Variants in ZNF66 observed in about 807,000 individuals in gnomAD.
ZNF66 encodes the protein putative zinc finger protein 66.
ZNF66 carries 32 observed loss-of-function variants against 35.2 expected under a neutral mutation model. That is an observed-to-expected ratio of 0.91 (90% CI 0.69 to 1.22). ZNF66 has a LOEUF of 1.22. Among genes scored for constraint, ZNF66 ranks in the 50% most tolerant of loss-of-function variants. ZNF66 has a pLI of 0.00. For synonymous variants in ZNF66, 231 were observed against 181.3 expected (o/e 1.27, Z -2.20); for missense variants, 666 against 543.1 (o/e 1.23, Z -2.25).
chr19:20,789,569 A>C (rs1384107494), intron 1 of ZNF66, among the ~76,000 whole-genome samples: 2 of 152,218 alleles, frequency 1.3e-5, no homozygotes, highest in Admixed American at 1.3e-4. Flanking sequence ...ATAAGTCACA[A>C]AAAAGTAAAT....
At chr19:20,787,336 T>C (rs1971295793) in intron 1 of ZNF66, among the ~76,000 whole-genome samples, 1 of 152,142 alleles carries the variant, frequency 6.6e-6, no homozygotes, top group African/African-American at 2.4e-5. Flanking sequence ...AATATATATA[T>C]AGACTTATCA....
At chr19:20,793,744 T>C (rs1204171039) in intron 2 of ZNF66, 39 bp from the exon 3 acceptor site, 8 of 748,546 alleles carry the variant, frequency 1.1e-5, no homozygotes, top group Non-Finnish European at 1.4e-5. Context: ...AATTGGAGAA[T>C]GTGAGCAAGA....
chr19:20,807,263 C>A lies in ZNF66; in HGVS notation c.1663C>A (p.His555Asn). Residue 555 changes from histidine to asparagine, a missense_variant, in exon 4 of 4, where the codon CAT becomes AAT. Transcript: ENST00000344519. The stretch of plus-strand genomic sequence containing the variant: ...TATTTCATCCTCAAACCTTAGTAGA[C>A]ATGAGATAATTCATATGGGAGGGAA... The part of the protein sequence containing the change: ...AFISSSNLSR[H>N]EIIHMGGNPY... The A allele has an allele frequency of 2.9e-6, 2 of 691,046 alleles. No individual in the cohort carries two copies. Among genetic ancestry groups the A allele is most frequent in the Non-Finnish European group, 5.2e-6 (2 of 386,340 alleles). 42.8% of individuals were successfully genotyped at this position (691,046 alleles called of 1,614,324 possible).
chr19:20,782,701 A>C (rs1184489852), intron 1 of ZNF66, among the ~76,000 whole-genome samples: 1 of 152,132 alleles, frequency 6.6e-6, no homozygotes, highest in East Asian at 1.9e-4. Context: ...TTTTGCCTAC[A>C]ATTTAATGAA....
chr19:20,786,159 A>G (rs919364949), intron 1 of ZNF66, among the ~76,000 whole-genome samples: 8 of 152,164 alleles, frequency 5.3e-5, no homozygotes, highest in African/African-American at 1.9e-4. Flanking sequence ...TTTACTCTAG[A>G]GGGGACTTTC....
chr19:20,796,499 C>A (rs1199227330), intron 3 of ZNF66, among the ~76,000 whole-genome samples: 2 of 151,860 alleles, frequency 1.3e-5, no homozygotes, highest in Non-Finnish European at 2.9e-5. Flanking sequence ...TTTTTTTTAG[C>A]CTATATCTAA....
intron 1 of ZNF66, among the ~76,000 whole-genome samples, chr19:20,790,636 T>A (rs963091055): frequency 4.6e-5 from 7 of 152,156 alleles, no homozygotes; most frequent in African/African-American, 1.7e-4. Context: ...GATGCCATGC[T>A]AGCTGGTAAA....
Position 20,807,729 on chromosome 19 carries a change from G to A in ZNF66, c.*407G>A, listed in dbSNP as rs1000897287. On this transcript the variant is annotated 3_prime_UTR_variant, in exon 4 of 4. Transcript: ENST00000344519. The stretch of plus-strand genomic sequence containing the variant: ...TCTAGTAGATGAGATTATGGGGGGT[G>A]GAGCCAAGATGGCTGAATAGGTACA... 3.3e-5 allele frequency among the ~76,000 whole-genome samples: 5 copies of A among 152,018 alleles called. No individual in the cohort carries two copies. The highest frequency in any genetic ancestry group is 1.5e-5 in the Non-Finnish European group (1 of 68,002).
At chr19:20,798,144 T>G (rs1011845309) in intron 3 of ZNF66, among the ~76,000 whole-genome samples, 70 of 152,278 alleles carry the variant, frequency 4.6e-4, no homozygotes, top group African/African-American at 1.7e-3. Context: ...TTTTACCATG[T>G]GTTTAGTAAT....
At chr19:20,786,441 A>G (rs7256669) in intron 1 of ZNF66, among the ~76,000 whole-genome samples, 84,279 of 151,668 alleles carry the variant, frequency 0.56, 23,399 homozygotes, top group East Asian at 0.59. Flanking sequence ...GAGTAGACAT[A>G]GAGACATGAG....
In ZNF66 at chr19:20,806,202, A is replaced by G. The variant is rs149176332; in HGVS notation, c.602A>G (p.Tyr201Cys). 4.4e-6 allele frequency: 6 copies of G among 1,355,710 alleles called. No homozygotes were observed. The African/African-American group carries it at 5.7e-5, about 13-fold the overall frequency. 84.0% of individuals were successfully genotyped at this position (1,355,710 alleles called of 1,614,324 possible). The change falls in exon 4 of 4, where the codon TAT (tyrosine) becomes TGT (cysteine). Residue 201 changes from tyrosine to cysteine, a missense_variant. Physicochemically the swap from Tyr to Cys is radical, Grantham distance 194. Transcript: ENST00000344519. The part of the protein sequence containing the change: ...HKKIHTGEKP[Y>C]KCIECGKAFN... Reference sequence around the variant, plus strand: ...AAAATTCATACTGGAGAGAAACCCTATAAATGTATAGAATGTGGCAAAGCC... The same window carrying G: ...AAAATTCATACTGGAGAGAAACCCTGTAAATGTATAGAATGTGGCAAAGCC...
chr19:20,799,705 A>G (rs1001081905), intron 3 of ZNF66, among the ~76,000 whole-genome samples: 2 of 152,108 alleles, frequency 1.3e-5, no homozygotes, highest in African/African-American at 2.4e-5. Flanking sequence ...ATTTCTCTCT[A>G]TTTTGTATGC....
chr19:20,790,329 T>C (rs1037495315), intron 1 of ZNF66, among the ~76,000 whole-genome samples: 2 of 152,214 alleles, frequency 1.3e-5, no homozygotes, highest in African/African-American at 4.8e-5. Context: ...GACTCTAAGG[T>C]GAGGCCAGAA....
Position 20,792,937 on chromosome 19 carries a change from A to G in ZNF66, c.130+299A>G, listed in dbSNP as rs1409480767. On this transcript the variant is annotated intron_variant, in intron 2 of 3. Coordinates refer to ENST00000344519, the MANE Select transcript of ZNF66 (RefSeq NM_001355197.2). Reference sequence around the variant, plus strand: ...CAAAAAATTAGCTGCGGGCTGTGGCATGCACCTATAATCCCAGGACTCAGG... The same window carrying G: ...CAAAAAATTAGCTGCGGGCTGTGGCGTGCACCTATAATCCCAGGACTCAGG... Among the ~76,000 whole-genome samples, 4 of 151,988 alleles carry G rather than the reference A, an allele frequency of 2.6e-5. No individual in the cohort carries two copies. The East Asian group carries it at 7.7e-4, about 29-fold the overall frequency.
chr19:20,779,483 G>T (rs1971225629), intron 1 of ZNF66, among the ~76,000 whole-genome samples: 1 of 152,168 alleles, frequency 6.6e-6, no homozygotes, highest in African/African-American at 2.4e-5. Flanking sequence ...GTAGCTCAAA[G>T]TTCAGGAGCC....
chr19:20,806,834 C>A lies in ZNF66; in HGVS notation c.1234C>A (p.Leu412Ile). ...CAAAGTGTTTAAGCACTCCTCTCCC[C>A]TTTCTAAACATAAGAGAATTCATAC... ...CGKVFKHSSP[L>I]SKHKRIHTGE... The change falls in exon 4 of 4, where the codon CTT (leucine) becomes ATT (isoleucine). Residue 412 changes from leucine (L) to isoleucine (I), a missense_variant. Coordinates refer to ENST00000344519, the MANE Select transcript of ZNF66 (RefSeq NM_001355197.2). 7.5e-7 allele frequency: 1 copy of A among 1,337,204 alleles called. No homozygotes were observed. The highest frequency in any genetic ancestry group is 1.1e-6 in the Non-Finnish European group (1 of 930,582). The allele number at this position is 1,337,204 out of a possible 1,614,324, so 82.8% of individuals were successfully genotyped here.
At chr19:20,792,970 G>A (rs1971352462) in intron 2 of ZNF66, among the ~76,000 whole-genome samples, 1 of 151,880 alleles carries the variant, frequency 6.6e-6, no homozygotes, top group South Asian at 2.1e-4. Flanking sequence ...AGGAGGGTGA[G>A]GCAGGAGAAT....
At chr19:20,804,801 T>A (rs1319774754) in intron 3 of ZNF66, among the ~76,000 whole-genome samples, 2 of 152,194 alleles carry the variant, frequency 1.3e-5, no homozygotes, top group African/African-American at 4.8e-5. Flanking sequence ...ATGTGTCTTG[T>A]CTAAAATTTT....
At position 20,797,396 on chromosome 19, in the gene ZNF66, C is replaced by T. The variant is rs1392365208; in HGVS notation, c.226+3518C>T. On this transcript the variant is annotated intron_variant, in intron 3 of 3. Coordinates refer to ENST00000344519, the MANE Select transcript of ZNF66 (RefSeq NM_001355197.2). ...TAATTTTTTGTATTTTTAGTAGAGACGGGGTTTCACCGTGTTAGCCAGGAT... is the reference window on the plus strand; with the variant it reads ...TAATTTTTTGTATTTTTAGTAGAGATGGGGTTTCACCGTGTTAGCCAGGAT... Among the ~76,000 whole-genome samples, 13 of 129,584 alleles carry T rather than the reference C, an allele frequency of 1.0e-4. 1 individual carries two copies. The highest frequency in any genetic ancestry group is 2.1e-4 in the Non-Finnish European group (12 of 58,470). 85.0% of individuals were successfully genotyped at this position (129,584 alleles called of 152,430 possible).
Sources: gnomAD v4.1 joint callset for allele counts (sites outside exome capture counted in the v4.1 genomes callset) on GRCh38, gnomAD v4.1.1 for gene constraint, MANE v1.5 for transcripts, NCBI Gene and HGNC (gene_info 2026-07-23, HGNC 2026-07-21) for gene names.